The following COL14A1 variants were observed in gnomAD, a reference collection of about 807,000 sequenced individuals.
The protein encoded by COL14A1 is collagen type XIV alpha 1 chain.
Under a neutral mutation model 230.3 loss-of-function variants are expected in COL14A1, and 136 were observed. The ratio of observed to expected loss-of-function variants is 0.59; its 90% confidence interval spans 0.51 to 0.68. COL14A1 has a LOEUF of 0.68. COL14A1 is among the 30% of genes least tolerant of loss of function. The pLI is 0.00. For missense variants in COL14A1, 1,976 were observed against 2,215.8 expected, an observed-to-expected ratio of 0.89 and a Z score of 2.17; for synonymous variants, 792 against 784.1, an observed-to-expected ratio of 1.01 and a Z score of -0.17.
intron 26 of COL14A1, chr8:120,277,631 A>G (rs1046596054): frequency 6.6e-6 from 1 of 152,124 alleles, no homozygotes; most frequent in East Asian, 1.9e-4. Flanking sequence ...TCTGGAAGCC[A>G]TTATCTTGTG....
intron 5 of COL14A1, among the ~76,000 whole-genome samples, chr8:120,182,970 G>T (rs1201482317): frequency 6.6e-6 from 1 of 151,902 alleles, no homozygotes; most frequent in East Asian, 1.9e-4. Context: ...CAGGTGATCC[G>T]CCTGACTCAG....
Position 120,141,547 on chromosome 8 carries a change from A to G in COL14A1, c.-37-6259A>G, listed in dbSNP as rs971652877. On this transcript the variant is annotated intron_variant, in intron 1 of 47. Coordinates refer to ENST00000297848, the MANE Select transcript of COL14A1 (RefSeq NM_021110.4). ...GTGACAGAAGCAGACCCTGTCTCAAAAAAAAGAAAACAAAAGAAAAGAAAA... is the reference window on the plus strand; with the variant it reads ...GTGACAGAAGCAGACCCTGTCTCAAGAAAAAGAAAACAAAAGAAAAGAAAA... 6.6e-5 allele frequency among the ~76,000 whole-genome samples: 10 copies of G among 152,174 alleles called. No individual in the cohort carries two copies. The South Asian group carries it at 1.9e-3, about 28-fold the overall frequency.
At chr8:120,156,610 C>A (rs1815489639) in intron 2 of COL14A1, among the ~76,000 whole-genome samples, 1 of 152,150 alleles carries the variant, frequency 6.6e-6, no homozygotes, top group Non-Finnish European at 1.5e-5. Context: ...ATTGGAATAG[C>A]AATGTATGTT....
intron 5 of COL14A1, among the ~76,000 whole-genome samples, chr8:120,188,084 CT>C (rs202106370): frequency 0.33 from 47,314 of 141,338 alleles, 7,966 homozygotes; most frequent in Admixed American, 0.47. Flanking sequence ...GAAGGCTTAA[CT>C]TTTTTTTTTT....
Position 120,147,236 on chromosome 8 carries a change from A to T in COL14A1, c.-37-570A>T, listed in dbSNP as rs1002421451. 2.6e-5 allele frequency among the ~76,000 whole-genome samples: 4 copies of T among 152,116 alleles called. No individual in the cohort carries two copies. In the East Asian group the frequency reaches 7.7e-4, roughly 29 times the overall value. On this transcript the variant is annotated intron_variant, in intron 1 of 47. Coordinates refer to ENST00000297848, the MANE Select transcript of COL14A1 (RefSeq NM_021110.4). ...TCCCATTGAAAATGAACAATTTGGA[A>T]GAGTTTTAGATTCACTTATATTAGG...
intron 1 of COL14A1, among the ~76,000 whole-genome samples, chr8:120,136,783 G>A (rs1814723503): frequency 6.6e-6 from 1 of 151,770 alleles, no homozygotes. Flanking sequence ...GGGCAACATG[G>A]TGAAACCCCC....
intron 5 of COL14A1, among the ~76,000 whole-genome samples, chr8:120,194,020 G>A (rs928488664): frequency 2.0e-5 from 3 of 151,918 alleles, no homozygotes; most frequent in Non-Finnish European, 4.4e-5. Context: ...GCAATGCCTC[G>A]CCCTGCTTCG....
At chr8:120,208,865 C>T (rs558702650) in intron 11 of COL14A1, among the ~76,000 whole-genome samples, 1 of 152,212 alleles carries the variant, frequency 6.6e-6, no homozygotes, top group East Asian at 1.9e-4. Flanking sequence ...ACACATAATA[C>T]ACACACGCAC....
chr8:120,315,557 A>G lies in COL14A1; in HGVS notation c.4576A>G (p.Lys1526Glu). 1.2e-6 allele frequency: 2 copies of G among 1,613,568 alleles called. No homozygotes were observed. Among genetic ancestry groups the G allele is most frequent in the African/African-American group, 1.3e-5 (1 of 75,004 alleles). ...MPGMPGEKGE[K>E]GDTGLPGPQG... ...GGGAATGCCAGGAGAAAAAGGAGAG[A>G]AAGGAGATACTGGCCTTCCAGGTCC... The change falls in exon 39 of 48, where the codon AAA (lysine) becomes GAA (glutamate). Residue 1526 changes from lysine (K) to glutamate (E), a missense_variant. Lys to Glu is a moderately conservative substitution (Grantham distance 56). Transcript: ENST00000297848.
chr8:120,281,936 A>G (rs1325311831), intron 31 of COL14A1, among the ~76,000 whole-genome samples: 9 of 152,224 alleles, frequency 5.9e-5, no homozygotes, highest in Non-Finnish European at 1.3e-4. Flanking sequence ...TAGCTACTTT[A>G]TAGACACATT....
chr8:120,230,660 C>G (rs577367065), intron 18 of COL14A1, among the ~76,000 whole-genome samples: 2 of 152,228 alleles, frequency 1.3e-5, no homozygotes, highest in East Asian at 3.9e-4. Context: ...ACCCCCTCCT[C>G]CTCTGTGACA....
At chr8:120,162,382 G>A in intron 3 of COL14A1, 44 bp from the exon 4 acceptor site, 3 of 1,525,664 alleles carry the variant, frequency 2.0e-6, no homozygotes, top group African/African-American at 1.4e-5. Context: ...GTACACAGTG[G>A]ACCTTATTTC....
intron 41 of COL14A1, 36 bp downstream of exon 41, chr8:120,332,230 T>C (rs766036368): frequency 1.9e-6 from 3 of 1,581,588 alleles, no homozygotes; most frequent in South Asian, 2.2e-5. Flanking sequence ...ACATACTCTG[T>C]TTTAAAGCAC....
chr8:120,280,575 A>C (rs1820003025), intron 29 of COL14A1, 136 bp from the exon 30 acceptor site: 1 of 821,996 alleles, frequency 1.2e-6, no homozygotes, highest in Admixed American at 2.7e-5. Flanking sequence ...AGAAAACCAT[A>C]GTCACATTTG....
intron 13 of COL14A1, among the ~76,000 whole-genome samples, chr8:120,215,594 G>A (rs1185535059): frequency 6.6e-6 from 1 of 152,092 alleles, no homozygotes; most frequent in Non-Finnish European, 1.5e-5. Context: ...TATATTAATA[G>A]TAGGGGGAAG....
intron 40 of COL14A1, among the ~76,000 whole-genome samples, chr8:120,324,822 G>T (rs1821603745): frequency 1.3e-5 from 2 of 152,108 alleles, no homozygotes; most frequent in Non-Finnish European, 2.9e-5. Context: ...ATTTCCGCTG[G>T]CTACAGAAAC....
At chr8:120,138,881 G>A (rs1814799575) in intron 1 of COL14A1, among the ~76,000 whole-genome samples, 1 of 152,176 alleles carries the variant, frequency 6.6e-6, no homozygotes, top group Non-Finnish European at 1.5e-5. Context: ...TAGATCATCA[G>A]TTGACTGTAA....
intron 42 of COL14A1, among the ~76,000 whole-genome samples, chr8:120,339,055 T>C (rs1822188635): frequency 6.6e-6 from 1 of 152,178 alleles, no homozygotes; most frequent in Admixed American, 6.5e-5. Flanking sequence ...GCCTCCCAGG[T>C]TCAAGTGATT....
chr8:120,261,643 C>T (rs1251722281), intron 23 of COL14A1, among the ~76,000 whole-genome samples: 2 of 152,092 alleles, frequency 1.3e-5, no homozygotes, highest in Non-Finnish European at 1.5e-5. Context: ...GTTCTTTGTG[C>T]CTCTGTCATG....
Sources: gnomAD v4.1 joint callset for allele counts (sites outside exome capture counted in the v4.1 genomes callset) on GRCh38, gnomAD v4.1.1 for gene constraint, MANE v1.5 for transcripts, NCBI Gene and HGNC (gene_info 2026-07-23, HGNC 2026-07-21) for gene names.